Variants in NFASC observed in about 807,000 individuals in gnomAD.
The protein encoded by NFASC is neurofascin homolog.
Under a neutral mutation model 147.5 loss-of-function variants are expected in NFASC, and 43 were observed. The ratio of observed to expected loss-of-function variants is 0.29; its 90% CI spans 0.23 to 0.38. The LOEUF (loss-of-function observed/expected upper bound fraction) is 0.38, where lower values mean the gene tolerates loss of function less well. NFASC is among the 10% of genes least tolerant of loss of function. The probability of loss-of-function intolerance (pLI) is 1.00; values close to 1 mark genes in which losing one functional copy is unlikely to be tolerated. For synonymous variants in NFASC, 622 were observed against 665.5 expected, an observed-to-expected ratio of 0.93 and a Z score of 1.01; for missense variants, 1,320 against 1,689.0, an observed-to-expected ratio of 0.78 and a Z score of 3.83.
intron 10 of NFASC, among the ~76,000 whole-genome samples, chr1:204,969,714 A>G (rs936725903): frequency 2.0e-5 from 3 of 152,210 alleles, no homozygotes; most frequent in African/African-American, 7.2e-5. Context: ...TGAAAGGCTC[A>G]CTTCTCAGAA....
At chr1:204,870,685 G>T in intron 1 of NFASC, 1 of 1,082,398 alleles carries the variant, frequency 9.2e-7, no homozygotes, top group South Asian at 2.7e-5. Context: ...GAGTGAGCAA[G>T]CCGGCCGAGG....
intron 1 of NFASC, among the ~76,000 whole-genome samples, chr1:204,915,107 G>A (rs528636426): frequency 6.6e-6 from 1 of 152,044 alleles, no homozygotes; most frequent in East Asian, 1.9e-4. Context: ...GTGAAACCCC[G>A]TCTCTACTAA....
intron 1 of NFASC, among the ~76,000 whole-genome samples, chr1:204,850,955 A>G (rs1384097668): frequency 2.6e-5 from 4 of 152,222 alleles, no homozygotes; most frequent in African/African-American, 9.6e-5. Flanking sequence ...CAATAATAAT[A>G]ATAATTCTAC....
chr1:204,953,257 T>G (rs574475639), intron 5 of NFASC, among the ~76,000 whole-genome samples: 1 of 152,344 alleles, frequency 6.6e-6, no homozygotes, highest in East Asian at 1.9e-4. Context: ...TCTACTAGGC[T>G]GCCATTTCTT....
At position 204,970,589 on chromosome 1, in the gene NFASC, C is replaced by T. The variant is rs747723142; in HGVS notation, c.1004-27C>T. ...TGCCTGTCCCATGCCATCTAACTCCCCTGCCTGTGTCTGTCTTGTCTTCCA... is the reference window on the plus strand; with the variant it reads ...TGCCTGTCCCATGCCATCTAACTCCTCTGCCTGTGTCTGTCTTGTCTTCCA... On this transcript the variant is annotated intron_variant, in intron 10 of 29. Transcript: ENST00000339876. 3 of 1,613,036 alleles carry T rather than the reference C, an allele frequency of 1.9e-6. No homozygotes were observed. In the Admixed American group the frequency reaches 5.0e-5, roughly 27 times the overall value.
intron 1 of NFASC, among the ~76,000 whole-genome samples, chr1:204,845,612 G>A (rs998880760): frequency 2.6e-5 from 4 of 152,080 alleles, no homozygotes; most frequent in Non-Finnish European, 5.9e-5. Flanking sequence ...CTTGAAAGAT[G>A]AAACTCTGGC....
chr1:205,009,770 G>T, intron 28 of NFASC, 82 bp downstream of exon 28: 8 of 1,443,812 alleles, frequency 5.5e-6, no homozygotes, highest in Non-Finnish European at 7.6e-6. Flanking sequence ...GCCAGATCCG[G>T]GGAATGTGTT....
intron 24 of NFASC, among the ~76,000 whole-genome samples, chr1:204,993,467 C>A (rs775817076): frequency 2.6e-5 from 4 of 152,254 alleles, no homozygotes; most frequent in African/African-American, 9.6e-5. Flanking sequence ...CACATGTCAT[C>A]TCTCCTCAGT....
At chr1:204,887,629 T>TA (rs1314480820) in intron 1 of NFASC, among the ~76,000 whole-genome samples, 2 of 140,836 alleles carry the variant, frequency 1.4e-5, no homozygotes, top group African/African-American at 5.4e-5. Flanking sequence ...GACAGGGTCT[T>TA]ACTCTGTTGC....
intron 1 of NFASC, among the ~76,000 whole-genome samples, chr1:204,884,750 C>T (rs551835694): frequency 5.3e-4 from 81 of 152,242 alleles, no homozygotes; most frequent in Non-Finnish European, 8.5e-4. Flanking sequence ...ACACAGTAGG[C>T]ATATATGATC....
chr1:204,886,993 TAC>T (rs2081418519), intron 1 of NFASC, among the ~76,000 whole-genome samples: 1 of 152,210 alleles, frequency 6.6e-6, no homozygotes. Flanking sequence ...TGATAAAATA[TAC>T]ATAATATAAA....
Position 204,952,284 on chromosome 1 carries a change from G to A in NFASC, c.215+168G>A, listed in dbSNP as rs186391501. On this transcript the variant is annotated intron_variant, in intron 5 of 29. Transcript: ENST00000339876. ...AATTGAGGTACCAGGAAATTTTGCC[G>A]GTAAGCAAACTGGAGACCAGAAAAC... is the stretch of plus-strand genomic sequence containing the variant. Among the ~76,000 whole-genome samples, 76 of 152,308 alleles carry A rather than the reference G, an allele frequency of 5.0e-4. 1 individual carries two copies. The highest frequency in any genetic ancestry group is 3.9e-4 in the East Asian group (2 of 5,188).
intron 1 of NFASC, among the ~76,000 whole-genome samples, chr1:204,858,521 C>T (rs1294913659): frequency 6.6e-6 from 1 of 151,936 alleles, no homozygotes; most frequent in Non-Finnish European, 1.5e-5. Flanking sequence ...CTGGGGACTT[C>T]GGGGAGGTGG....
rs147449214 is a variant in NFASC, at chr1:204,976,493, T to C, written c.1707-178T>C. Among the ~76,000 whole-genome samples the C allele has an allele frequency of 1.1e-3, 163 of 152,256 alleles. 1 individual carries two copies. The highest frequency in any genetic ancestry group is 3.8e-3 in the African/African-American group (157 of 41,550). On this transcript the variant is annotated intron_variant, in intron 15 of 29. Coordinates refer to ENST00000339876, the MANE Select transcript of NFASC (RefSeq NM_001005388.3). The stretch of plus-strand genomic sequence containing the variant: ...GTTCCCCTCCATCAAGTATGATGAG[T>C]GCTCCAGGTGACTGTGAAGACCTCA...
chr1:204,987,529 A>C lies in NFASC; in HGVS notation c.2582A>C (p.Lys861Thr). ...PNGIMIGYTLKYVAFNGTKVG... is the reference protein window; with the variant it reads ...PNGIMIGYTLTYVAFNGTKVG... ...GGGATCATGATTGGATACACTCTCAAATATGTGGCCTGTACGTTCTGCCCT... is the reference window on the plus strand; with the variant it reads ...GGGATCATGATTGGATACACTCTCACATATGTGGCCTGTACGTTCTGCCCT... Residue 861 changes from lysine (K) to threonine (T), a missense_variant, in exon 22 of 30, where the codon AAA (lysine) becomes ACA (threonine). This residue lies in a region of NFASC where 981 missense variants were observed against 1,289.5 expected (regional missense o/e 0.76). Transcript: ENST00000339876. The surrounding 1 kb of genome is among the most constrained non-coding windows in gnomAD (Gnocchi z 4.4). 1.2e-6 allele frequency: 2 copies of C among 1,614,114 alleles called. No individual in the cohort carries two copies. The highest frequency in any genetic ancestry group is 1.6e-4 in the Middle Eastern group (1 of 6,062).
chr1:204,983,583 G>C (rs528359792), intron 21 of NFASC, among the ~76,000 whole-genome samples: 2 of 152,272 alleles, frequency 1.3e-5, no homozygotes, highest in African/African-American at 4.8e-5. Flanking sequence ...GAGGAACCCA[G>C]GGGAATTGAT....
intron 2 of NFASC, among the ~76,000 whole-genome samples, chr1:204,932,289 A>G (rs2092430830): frequency 6.6e-6 from 1 of 152,218 alleles, no homozygotes; most frequent in Admixed American, 6.5e-5. Context: ...CATCTGAAAA[A>G]GTCAGTAATG....
chr1:204,926,225 G>A (rs2149501924), intron 2 of NFASC, among the ~76,000 whole-genome samples: 1 of 151,000 alleles, frequency 6.6e-6, no homozygotes, highest in South Asian at 2.1e-4. Context: ...ATAGATTTTA[G>A]CAATCACTTA....
At chr1:204,908,256 A>G (rs1305077934) in intron 1 of NFASC, among the ~76,000 whole-genome samples, 1 of 152,206 alleles carries the variant, frequency 6.6e-6, no homozygotes, top group Non-Finnish European at 1.5e-5. Context: ...TGCTGGAATT[A>G]CAGGCATGAG....
Sources: gnomAD v4.1 joint callset for allele counts (sites outside exome capture counted in the v4.1 genomes callset) on GRCh38, gnomAD v4.1.1 for gene constraint, gnomAD v4.1.1 regional missense constraint, Gnocchi (gnomAD v3.1) non-coding constraint, MANE v1.5 for transcripts, NCBI Gene and HGNC (gene_info 2026-07-23, HGNC 2026-07-21) for gene names.